The following GLRA2 variants were observed in gnomAD, a reference collection of about 807,000 sequenced individuals.
The protein encoded by GLRA2 is glycine receptor alpha 2.
GLRA2 carries 11 observed loss-of-function variants against 31.6 expected under a neutral mutation model. The observed-to-expected ratio is 0.35, with a 90% CI of 0.22 to 0.58. The LOEUF is 0.58. GLRA2 is among the 20% of genes least tolerant of loss of function. The pLI is 0.84. For synonymous variants in GLRA2, 132 were observed against 134.0 expected (o/e 0.99, Z 0.10); for missense variants, 212 against 351.8 (o/e 0.60, Z 3.18).
intron 8 of GLRA2, among the ~76,000 whole-genome samples, chrX:14,712,413 A>G (rs748355159): frequency 9.0e-6 from 1 of 111,508 alleles, no homozygotes; most frequent in East Asian, 2.8e-4. Context: ...GATCCTCTCC[A>G]CTAATCGCAC....
At chrX:14,694,851 G>T (rs2147193836) in intron 8 of GLRA2, among the ~76,000 whole-genome samples, 1 of 112,063 alleles carries the variant, frequency 8.9e-6, no homozygotes, top group East Asian at 2.8e-4. Flanking sequence ...TATGTGAAGA[G>T]ATGAGAAGAT....
intron 7 of GLRA2, among the ~76,000 whole-genome samples, chrX:14,639,987 C>T (rs1403855132): frequency 3.6e-5 from 4 of 111,529 alleles, no homozygotes; most frequent in Non-Finnish European, 7.6e-5. Context: ...AGTAGTATTC[C>T]CAATTGGAAG....
At chrX:14,451,588 A>G in the GLRA2 span, among the ~76,000 whole-genome samples, 1 of 105,188 alleles carries the variant, frequency 9.5e-6, no homozygotes, top group Non-Finnish European at 2.0e-5. Context: ...CAGTGAGCCA[A>G]GATCACGATC....
At chrX:14,492,126 A>G in the GLRA2 span, among the ~76,000 whole-genome samples, 2 of 110,591 alleles carry the variant, frequency 1.8e-5, no homozygotes, top group African/African-American at 6.6e-5. Context: ...CCATCCCCTT[A>G]GGAAGCAAAA....
At chrX:14,724,671 T>C (rs187590897) in intron 8 of GLRA2, among the ~76,000 whole-genome samples, 1,388 of 101,206 alleles carry the variant, frequency 0.014, 26 homozygotes, top group African/African-American at 0.043. Context: ...AGAATGGCAG[T>C]TGCTCAATAA....
the GLRA2 span, among the ~76,000 whole-genome samples, chrX:14,461,608 T>C: frequency 1.8e-5 from 2 of 112,081 alleles, no homozygotes; most frequent in South Asian, 7.4e-4. Flanking sequence ...TGTAATGGCC[T>C]TTTTTGTCTC....
At chrX:14,724,289 C>T (rs142244988) in intron 8 of GLRA2, among the ~76,000 whole-genome samples, 99 of 111,097 alleles carry the variant, frequency 8.9e-4, no homozygotes, top group Admixed American at 1.4e-3. Context: ...AACTCTACCA[C>T]GTACCTGGCA....
At chrX:14,477,264 T>G in the GLRA2 span, among the ~76,000 whole-genome samples, 1 of 111,950 alleles carries the variant, frequency 8.9e-6, no homozygotes, top group African/African-American at 3.2e-5. Flanking sequence ...GGTTCTTTAT[T>G]AAAAAGAAAA....
the GLRA2 span, among the ~76,000 whole-genome samples, chrX:14,491,006 A>G: frequency 9.0e-6 from 1 of 111,594 alleles, no homozygotes; most frequent in East Asian, 2.8e-4. Context: ...GTCTATCTCT[A>G]TTTGAATTCA....
the GLRA2 span, among the ~76,000 whole-genome samples, chrX:14,493,544 C>G: frequency 9.6e-6 from 1 of 104,232 alleles, no homozygotes; most frequent in Non-Finnish European, 2.0e-5. Flanking sequence ...CATATATATA[C>G]TTATATACAT....
At chrX:14,559,541 C>T (rs1459975797) in intron 2 of GLRA2, among the ~76,000 whole-genome samples, 6 of 103,990 alleles carry the variant, frequency 5.8e-5, no homozygotes, top group Non-Finnish European at 9.8e-5. Context: ...CTCAGCCTCC[C>T]GAGTAGCTGG....
At chrX:14,495,665 C>A in the GLRA2 span, among the ~76,000 whole-genome samples, 1 of 108,314 alleles carries the variant, frequency 9.2e-6, no homozygotes, top group Non-Finnish European at 1.9e-5. Flanking sequence ...TCCTTATATA[C>A]TTATATAAGG....
chrX:14,656,436 C>T (rs1460679265), intron 7 of GLRA2, among the ~76,000 whole-genome samples: 1 of 111,855 alleles, frequency 8.9e-6, no homozygotes, highest in Non-Finnish European at 1.9e-5. Context: ...TCCTCCAAAT[C>T]ATCCTTGGTA....
At chrX:14,621,956 G>GT (rs1465439802) in intron 7 of GLRA2, among the ~76,000 whole-genome samples, 1 of 112,184 alleles carries the variant, frequency 8.9e-6, no homozygotes, top group Non-Finnish European at 1.9e-5. Flanking sequence ...CACAATGGCT[G>GT]TACTAGTTTA....
At chrX:14,616,399 C>T (rs1022060907) in intron 7 of GLRA2, among the ~76,000 whole-genome samples, 2 of 111,168 alleles carry the variant, frequency 1.8e-5, no homozygotes, top group Admixed American at 9.6e-5. Flanking sequence ...CATTGTCTTT[C>T]GCCATTATTA....
upstream of GLRA2, among the ~76,000 whole-genome samples, chrX:14,525,204 T>C (rs2089183689): frequency 9.0e-6 from 1 of 111,702 alleles, no homozygotes; most frequent in Non-Finnish European, 1.9e-5. Context: ...TTGGTCCTTA[T>C]GACATAGGAT....
intron 7 of GLRA2, among the ~76,000 whole-genome samples, chrX:14,630,199 A>G (rs1268701038): frequency 8.9e-6 from 1 of 111,848 alleles, no homozygotes; most frequent in African/African-American, 3.2e-5. Context: ...TTTTAAAAAG[A>G]TATTTTTATT....
chrX:14,574,124 A>G (rs2089921306), intron 2 of GLRA2, among the ~76,000 whole-genome samples: 1 of 111,725 alleles, frequency 9.0e-6, no homozygotes, highest in Non-Finnish European at 1.9e-5. Context: ...CAAATCCAAA[A>G]CTCTTCAGGG....
At chrX:14,716,054 T>C (rs1233996904) in intron 8 of GLRA2, among the ~76,000 whole-genome samples, 1 of 111,515 alleles carries the variant, frequency 9.0e-6, no homozygotes, top group African/African-American at 3.3e-5. Flanking sequence ...TGTGACTGTA[T>C]AGTATGCATA....
Sources: allele counts gnomAD v4.1 joint callset (sites outside exome capture counted in the v4.1 genomes callset), GRCh38; gene constraint gnomAD v4.1.1; transcripts MANE v1.5; gene names NCBI Gene and HGNC (gene_info 2026-07-23, HGNC 2026-07-21).